HSPA4L: variants seen among roughly 807,000 people sequenced by gnomAD.
The protein encoded by HSPA4L is heat shock 70 kDa protein 4L.
A neutral mutation model predicts 100.3 loss-of-function variants in HSPA4L; 48 were observed. The observed-to-expected ratio is 0.48, with a 90% CI of 0.38 to 0.61. The LOEUF (loss-of-function observed/expected upper bound fraction) is 0.61, where lower values mean the gene tolerates loss of function less well. Ranked by LOEUF, HSPA4L falls within the 20% of genes least tolerant of loss-of-function variation. HSPA4L has a pLI of 0.00. For missense variants in HSPA4L, 886 were observed against 988.6 expected (o/e 0.90, Z 1.39); for synonymous variants, 319 against 328.2 (o/e 0.97, Z 0.30).
chr4:127,824,323 G>A (rs1449844449), intron 16 of HSPA4L, among the ~76,000 whole-genome samples: 3 of 152,020 alleles, frequency 2.0e-5, no homozygotes, highest in Admixed American at 6.6e-5. Flanking sequence ...ATATCTCTTT[G>A]GCATAGTGAT....
chr4:127,783,567 T>C, intron 1 of HSPA4L: 4 of 1,530,222 alleles, frequency 2.6e-6, no homozygotes, highest in Non-Finnish European at 3.5e-6. Context: ...TGGCAAGGAA[T>C]ATAATGAAGT....
chr4:127,792,790 G>A (rs1436520171), intron 1 of HSPA4L, among the ~76,000 whole-genome samples: 1 of 152,176 alleles, frequency 6.6e-6, no homozygotes, highest in Non-Finnish European at 1.5e-5. Context: ...GAGCAGGAAT[G>A]TTTTTTATAT....
intron 1 of HSPA4L, among the ~76,000 whole-genome samples, chr4:127,785,676 A>G (rs1178426274): frequency 4.6e-5 from 7 of 152,042 alleles, no homozygotes; most frequent in Non-Finnish European, 2.9e-5. Context: ...ACCTCAGGTG[A>G]TCCACCCGCC....
chr4:127,794,273 G>T, intron 2 of HSPA4L, 139 bp downstream of exon 2: 3 of 533,840 alleles, frequency 5.6e-6, no homozygotes. Context: ...GTTTTGTTTT[G>T]TTTTGTTTTT....
In HSPA4L at chr4:127,832,855, G is replaced by C; in HGVS notation, c.2501G>C (p.Gly834Ala). Residue 834 changes from glycine to alanine, a missense_variant, in exon 19 of 19, where the codon GGA (glycine) becomes GCA (alanine). Coordinates refer to ENST00000296464, the MANE Select transcript of HSPA4L (RefSeq NM_014278.4). ...KDSSQHTKSS[G>A]EMEVD is the part of the protein sequence containing the mutation. ...AGCTCACAGCATACTAAATCCTCTG[G>C]AGAGATGGAAGTGGACTAAGTCTTA... The C allele has an allele frequency of 6.2e-7, 1 of 1,604,790 alleles. No individual in the cohort carries two copies. The highest frequency in any genetic ancestry group is 2.2e-5 in the East Asian group (1 of 44,632).
In HSPA4L at chr4:127,840,230, AT is replaced by A. The variant is rs1386113208; in HGVS notation, c.*7357del. The A allele has an allele frequency of 6.6e-6, 1 of 152,168 alleles. No individual in the cohort carries two copies. Among genetic ancestry groups the A allele is most frequent in the African/African-American group, 2.4e-5 (1 of 41,424 alleles). The allele number at this position is 152,168 out of a possible 1,614,324, so 9.4% of individuals were successfully genotyped here. The stretch of plus-strand genomic sequence containing the variant: ...AGCAAGACTCCATCTCAAGAAAAAA[AT>A]AAATAAATAATAATTTGTGTATGTG... On this transcript the variant is annotated 3_prime_UTR_variant, in exon 19 of 19. Transcript: ENST00000296464.
chr4:127,822,229 C>A (rs1733832836), intron 14 of HSPA4L, among the ~76,000 whole-genome samples: 1 of 152,112 alleles, frequency 6.6e-6, no homozygotes, highest in Non-Finnish European at 1.5e-5. Context: ...GCCTAGTTAT[C>A]AATAGATAAG....
chr4:127,787,873 C>G (rs553665679), intron 1 of HSPA4L, among the ~76,000 whole-genome samples: 49 of 151,806 alleles, frequency 3.2e-4, no homozygotes, highest in Non-Finnish European at 6.2e-4. Context: ...TAATATAGCA[C>G]TGATAGTCTT....
Position 127,803,841 on chromosome 4 carries a change from G to A in HSPA4L, c.876G>A (p.Met292Ile), listed in dbSNP as rs1733267380. The change falls in exon 7 of 19, where the codon ATG (methionine) becomes ATA (isoleucine). Residue 292 changes from methionine to isoleucine, a missense_variant. Met to Ile is a conservative substitution (Grantham distance 10). Coordinates refer to ENST00000296464, the MANE Select transcript of HSPA4L (RefSeq NM_014278.4). ...SDLPLNIECF[M>I]NDLDVSSKMN... ...TTCCATTGAACATTGAGTGTTTCAT[G>A]AATGACCTTGATGTTTCTAGTAAAA... The A allele has an allele frequency of 6.2e-7, 1 of 1,613,712 alleles. No individual in the cohort carries two copies. Among genetic ancestry groups the A allele is most frequent in the Non-Finnish European group, 8.5e-7 (1 of 1,179,902 alleles).
rs569554126 is a variant in HSPA4L, at chr4:127,803,526, G to T, written c.664-103G>T. The T allele has an allele frequency of 4.2e-6, 5 of 1,184,596 alleles. No individual in the cohort carries two copies. The East Asian group carries it at 1.0e-4, about 25-fold the overall frequency. 73.4% of individuals were successfully genotyped at this position (1,184,596 alleles called of 1,614,324 possible). On this transcript the variant is annotated intron_variant, in intron 6 of 18. Coordinates refer to ENST00000296464, the MANE Select transcript of HSPA4L (RefSeq NM_014278.4). ...CCCTGTGATTGGACAAGTTTTTTTA[G>T]CGTCATTTTTATTTTTACATTTTTT...
In HSPA4L at chr4:127,823,582, C is replaced by T. The variant is rs1433987407; in HGVS notation, c.2004C>T (p.Asp668=). 3 of 1,613,304 alleles carry T rather than the reference C, an allele frequency of 1.9e-6. No individual in the cohort carries two copies. Among genetic ancestry groups the T allele is most frequent in the Admixed American group, 3.3e-5 (2 of 59,980 alleles). Residue 668 remains aspartate (D), a synonymous_variant, in exon 16 of 19, where the codon GAC becomes GAT. Coordinates refer to ENST00000296464, the MANE Select transcript of HSPA4L (RefSeq NM_014278.4). ...ATTGGCTTTATGAAGACGGAGAGGACCAACCTAAACAAGTTTATGTGGATA... is the reference window on the plus strand; with the variant it reads ...ATTGGCTTTATGAAGACGGAGAGGATCAACCTAAACAAGTTTATGTGGATA... ...TENWLYEDGE[D]QPKQVYVDKL...
At chr4:127,785,580 G>A (rs922699534) in intron 1 of HSPA4L, among the ~76,000 whole-genome samples, 11 of 151,946 alleles carry the variant, frequency 7.2e-5, no homozygotes, top group African/African-American at 2.7e-4. Context: ...TGGAATTACA[G>A]GCAACGACCA....
intron 12 of HSPA4L, chr4:127,812,785 T>G: frequency 1.4e-6 from 2 of 1,468,836 alleles, no homozygotes; most frequent in Non-Finnish European, 9.5e-7. Context: ...TCTCACAAAG[T>G]GTGCTGCTCT....
chr4:127,835,367 A>G lies in HSPA4L; in HGVS notation c.*2493A>G, dbSNP rs771761162. 3 of 152,202 alleles carry G rather than the reference A, an allele frequency of 2.0e-5. No individual in the cohort carries two copies. Among genetic ancestry groups the G allele is most frequent in the Non-Finnish European group, 4.4e-5 (3 of 68,034 alleles). 9.4% of individuals were successfully genotyped at this position (152,202 alleles called of 1,614,324 possible). A position where few individuals can be genotyped will look rare whatever the true frequency, so the allele number is the denominator to read the frequency against. ...TTATAAAAAACAATTGTTAAATAAT[A>G]TAATGGAAGTTTGTGATAATTCCTT... On this transcript the variant is annotated 3_prime_UTR_variant, in exon 19 of 19. Coordinates refer to ENST00000296464, the MANE Select transcript of HSPA4L (RefSeq NM_014278.4).
At chr4:127,822,264 A>G (rs945120861) in intron 14 of HSPA4L, among the ~76,000 whole-genome samples, 3 of 152,146 alleles carry the variant, frequency 2.0e-5, no homozygotes, top group Non-Finnish European at 2.9e-5. Context: ...GGATTATACA[A>G]TGCTTGTCCT....
At chr4:127,782,869 C>G (rs1468457432) in intron 1 of HSPA4L, among the ~76,000 whole-genome samples, 3 of 152,114 alleles carry the variant, frequency 2.0e-5, no homozygotes, top group Non-Finnish European at 4.4e-5. Context: ...CCTTCAAGGA[C>G]GAGGGACCGC....
rs1352634442 is a variant in HSPA4L, at chr4:127,840,720, CCTT to C, written c.*7847_*7849del. On this transcript the variant is annotated 3_prime_UTR_variant, in exon 19 of 19. Transcript: ENST00000296464. The stretch of plus-strand genomic sequence containing the variant: ...ATTATAATAAATATGTCTACCTACT[CCTT>C]GAACCATGAATTTTGCACACCTGAG... 1.3e-5 allele frequency: 2 copies of C among 152,088 alleles called. No homozygotes were observed. Among genetic ancestry groups the C allele is most frequent in the Non-Finnish European group, 2.9e-5 (2 of 68,024 alleles). The allele number at this position is 152,088 out of a possible 1,614,324, so 9.4% of individuals were successfully genotyped here.
In HSPA4L at chr4:127,808,090, A is replaced by G; in HGVS notation, c.1339A>G (p.Thr447Ala). 1 of 1,612,374 alleles carries G rather than the reference A, an allele frequency of 6.2e-7. No homozygotes were observed. The highest frequency in any genetic ancestry group is 8.5e-7 in the Non-Finnish European group (1 of 1,179,136). ...ACCATTTGAACTAGAAGCATTTTAT[A>G]CTAATTTACATGAAGTGCCTTATCC... ...KEPFELEAFY[T>A]NLHEVPYPDA... The change falls in exon 11 of 19, where the codon ACT (threonine) becomes GCT (alanine). Residue 447 changes from threonine (T) to alanine (A), a missense_variant. By Grantham distance (58) the Thr-to-Ala change is moderately conservative (BLOSUM62 0). Transcript: ENST00000296464.
rs1733262082 is a variant in HSPA4L at position 127,803,743 on chromosome 4, T to G, written c.778T>G (p.Ser260Ala). Residue 260 changes from serine to alanine, a missense_variant, in exon 7 of 19, where the codon TCT becomes GCT. Transcript: ENST00000296464. ...ATATAAGATAAATGTGAAAGAAAAC[T>G]CTCGGGCCTTGTTGCGTTTATATCA... Reference protein sequence around the residue: ...TKYKINVKENSRALLRLYQEC... With the variant: ...TKYKINVKENARALLRLYQEC... 6.2e-7 allele frequency: 1 copy of G among 1,613,842 alleles called. No individual in the cohort carries two copies.
Sources: allele counts gnomAD v4.1 joint callset (sites outside exome capture counted in the v4.1 genomes callset), GRCh38; gene constraint gnomAD v4.1.1; transcripts MANE v1.5; gene names NCBI Gene and HGNC (gene_info 2026-07-23, HGNC 2026-07-21).